The following IKZF2 variants were observed in gnomAD, a reference collection of about 807,000 sequenced individuals.
IKZF2 encodes zinc finger protein Helios.
IKZF2 carries 15 observed loss-of-function variants against 49.2 expected under a neutral mutation model. That is an observed-to-expected ratio of 0.30 (90% CI 0.20 to 0.47). IKZF2 has a LOEUF of 0.47. IKZF2 is among the 20% of genes least tolerant of loss of function. The pLI is 1.00. For missense variants in IKZF2, 567 were observed against 664.6 expected (o/e 0.85, Z 1.61); for synonymous variants, 227 against 221.4 (o/e 1.03, Z -0.23).
chr2:213,137,166 G>A (rs938732983), intron 4 of IKZF2, among the ~76,000 whole-genome samples: 5 of 151,890 alleles, frequency 3.3e-5, no homozygotes, highest in Admixed American at 3.3e-4. Flanking sequence ...ACTATCATTA[G>A]GTCATTAATG....
At chr2:213,111,034 A>C (rs879575244) in intron 4 of IKZF2, among the ~76,000 whole-genome samples, 3 of 151,982 alleles carry the variant, frequency 2.0e-5, no homozygotes, top group Non-Finnish European at 2.9e-5. Context: ...CGTTTAAGTC[A>C]TCATATGAGT....
intron 4 of IKZF2, among the ~76,000 whole-genome samples, chr2:213,117,791 A>G (rs1218520341): frequency 1.3e-5 from 2 of 152,348 alleles, no homozygotes; most frequent in Middle Eastern, 3.4e-3. Context: ...GTTAGTTTGT[A>G]TAATACTATT....
chr2:213,033,341 G>C (rs1452987480), intron 6 of IKZF2, among the ~76,000 whole-genome samples: 1 of 152,168 alleles, frequency 6.6e-6, no homozygotes, highest in African/African-American at 2.4e-5. Context: ...GACCTTCTCA[G>C]ATGAATCACA....
intron 6 of IKZF2, among the ~76,000 whole-genome samples, chr2:213,034,365 T>C (rs73087361): frequency 0.02 from 3,110 of 152,336 alleles, 104 homozygotes; most frequent in African/African-American, 0.072. Flanking sequence ...ACAGGAGGCC[T>C]ATCTTTTGGC....
At chr2:213,080,272 C>A (rs1165822064) in intron 4 of IKZF2, among the ~76,000 whole-genome samples, 2 of 152,032 alleles carry the variant, frequency 1.3e-5, no homozygotes, top group East Asian at 1.9e-4. Flanking sequence ...TTTGCCCACC[C>A]ATAATTTACA....
chr2:213,044,390 T>A (rs1224102379), intron 6 of IKZF2, among the ~76,000 whole-genome samples: 1 of 152,170 alleles, frequency 6.6e-6, no homozygotes, highest in East Asian at 1.9e-4. Context: ...CTTGTCAGGA[T>A]CCTGACTGAT....
At chr2:213,035,616 G>GTTCA (rs898954647) in intron 6 of IKZF2, among the ~76,000 whole-genome samples, 1 of 152,166 alleles carries the variant, frequency 6.6e-6, no homozygotes, top group Non-Finnish European at 1.5e-5. Flanking sequence ...AACGCTGAAG[G>GTTCA]TGTTGACTTC....
chr2:213,032,242 A>G (rs1698512255), intron 6 of IKZF2, among the ~76,000 whole-genome samples: 1 of 152,190 alleles, frequency 6.6e-6, no homozygotes, highest in Non-Finnish European at 1.5e-5. Flanking sequence ...TGAGATTTCA[A>G]TTAATCAAAC....
At chr2:213,043,174 T>G (rs535074674) in intron 6 of IKZF2, among the ~76,000 whole-genome samples, 2 of 123,718 alleles carry the variant, frequency 1.6e-5, no homozygotes, top group South Asian at 5.7e-4. Flanking sequence ...TCATGCAAGG[T>G]AAATGAAATA....
At chr2:213,062,109 C>A (rs1468224709) in intron 4 of IKZF2, among the ~76,000 whole-genome samples, 7 of 151,394 alleles carry the variant, frequency 4.6e-5, no homozygotes, top group Non-Finnish European at 8.9e-5. Context: ...TTTAAATTTT[C>A]AAATTAAGAT....
intron 6 of IKZF2, among the ~76,000 whole-genome samples, chr2:213,029,264 A>T (rs1698150964): frequency 6.6e-6 from 1 of 151,978 alleles, no homozygotes; most frequent in Non-Finnish European, 1.5e-5. Context: ...ATTTTCCTTA[A>T]ATATTTGACA....
rs893308696 is a variant in IKZF2, at chr2:213,000,340, T to A, written c.*7020A>T. ...TGAAAAAAAATGAGGTTTACTGGTT[T>A]GACCTATTTTTTTTTCTTTTTTTGC... On this transcript the variant is annotated 3_prime_UTR_variant, in exon 9 of 9. Transcript: ENST00000434687. 6.7e-6 allele frequency: 1 copy of A among 149,858 alleles called. No homozygotes were observed. The highest frequency in any genetic ancestry group is 1.5e-5 in the Non-Finnish European group (1 of 67,216). 9.3% of individuals were successfully genotyped at this position (149,858 alleles called of 1,614,324 possible).
At chr2:213,020,677 A>T (rs1697112202) in intron 7 of IKZF2, among the ~76,000 whole-genome samples, 1 of 152,224 alleles carries the variant, frequency 6.6e-6, no homozygotes, top group South Asian at 2.1e-4. Flanking sequence ...GAAATGCTTC[A>T]GTTGTTCAGG....
chr2:213,062,410 T>C (rs988967327), intron 4 of IKZF2, among the ~76,000 whole-genome samples: 2 of 151,806 alleles, frequency 1.3e-5, no homozygotes, highest in Non-Finnish European at 2.9e-5. Flanking sequence ...TTATAGAGTA[T>C]AAAATAAGCT....
intron 4 of IKZF2, among the ~76,000 whole-genome samples, chr2:213,102,889 C>T (rs1359168088): frequency 6.6e-6 from 1 of 151,924 alleles, no homozygotes; most frequent in Non-Finnish European, 1.5e-5. Context: ...AAATGGGCAG[C>T]CTTTCATTGT....
chr2:213,036,309 T>C (rs1699020695), intron 6 of IKZF2, among the ~76,000 whole-genome samples: 2 of 152,144 alleles, frequency 1.3e-5, no homozygotes, highest in South Asian at 2.1e-4. Context: ...GTGAGGACAT[T>C]AGGTAACATC....
Position 213,005,067 on chromosome 2 carries a change from A to G in IKZF2, c.*2293T>C, listed in dbSNP as rs1695213598. The G allele has an allele frequency of 6.6e-6, 1 of 152,206 alleles. No individual in the cohort carries two copies. Among genetic ancestry groups the G allele is most frequent in the Admixed American group, 6.6e-5 (1 of 15,158 alleles). 9.4% of individuals were successfully genotyped at this position (152,206 alleles called of 1,614,324 possible). A position where few individuals can be genotyped will look rare whatever the true frequency, so the allele number is the denominator to read the frequency against. On this transcript the variant is annotated 3_prime_UTR_variant, in exon 9 of 9. Coordinates refer to ENST00000434687, the MANE Select transcript of IKZF2 (RefSeq NM_001387220.1). ...CGCACACAGCCAAAATTATGAACATATTGACTGACATCCAAATGTTTCCTT... is the reference window on the plus strand; with the variant it reads ...CGCACACAGCCAAAATTATGAACATGTTGACTGACATCCAAATGTTTCCTT...
intron 8 of IKZF2, among the ~76,000 whole-genome samples, chr2:213,011,469 G>A (rs1266395248): frequency 6.6e-6 from 1 of 152,026 alleles, no homozygotes; most frequent in Non-Finnish European, 1.5e-5. Flanking sequence ...TAATTAGAAA[G>A]AGGGATAGTT....
intron 4 of IKZF2, chr2:213,081,130 G>C (rs1347271964): frequency 6.5e-6 from 1 of 154,764 alleles, no homozygotes; most frequent in Non-Finnish European, 1.5e-5. Context: ...AAACATACCA[G>C]GCCTGGGAAG....
Sources: allele counts gnomAD v4.1 joint callset (sites outside exome capture counted in the v4.1 genomes callset), GRCh38; gene constraint gnomAD v4.1.1; transcripts MANE v1.5; gene names NCBI Gene and HGNC (gene_info 2026-07-23, HGNC 2026-07-21).